Variants in ITPR2 observed in about 807,000 individuals in gnomAD.
ITPR2 encodes inositol 1,4,5-trisphosphate-gated calcium channel ITPR2.
In ITPR2, 207 loss-of-function variants were observed where a neutral mutation model predicts 317.1. That is an observed-to-expected ratio of 0.65 (90% CI 0.58 to 0.73). The LOEUF is 0.73. Among genes scored for constraint, ITPR2 ranks in the 30% least tolerant of loss-of-function variants. ITPR2 has a pLI of 0.00. For synonymous variants in ITPR2, 1,156 were observed against 1,149.1 expected (o/e 1.01, Z -0.12); for missense variants, 2,613 against 3,284.0 (o/e 0.80, Z 4.99).
chr12:26,516,981 A>T (rs1943539207), intron 37 of ITPR2, among the ~76,000 whole-genome samples: 2 of 152,172 alleles, frequency 1.3e-5, no homozygotes, highest in Admixed American at 6.5e-5. Context: ...AAATAGTTTT[A>T]AAATATATAA....
intron 34 of ITPR2, among the ~76,000 whole-genome samples, chr12:26,575,670 C>T (rs1160601269): frequency 6.6e-6 from 1 of 152,132 alleles, no homozygotes; most frequent in East Asian, 1.9e-4. Flanking sequence ...AATTATAATG[C>T]TTTGGCCAGT....
At chr12:26,474,842 C>G (rs925793390) in intron 45 of ITPR2, among the ~76,000 whole-genome samples, 2 of 151,232 alleles carry the variant, frequency 1.3e-5, no homozygotes, top group East Asian at 3.9e-4. Flanking sequence ...CTCACACTTC[C>G]AATCAGAGGC....
chr12:26,611,110 C>A (rs1233328508), intron 26 of ITPR2, among the ~76,000 whole-genome samples: 1 of 152,222 alleles, frequency 6.6e-6, no homozygotes, highest in Admixed American at 6.5e-5. Flanking sequence ...CTGTTGTTTA[C>A]AGGAATCTTT....
chr12:26,695,080 G>A lies in ITPR2; in HGVS notation c.996+526C>T, dbSNP rs540514657. Among the ~76,000 whole-genome samples the A allele has an allele frequency of 2.6e-5, 4 of 152,262 alleles. No homozygotes were observed. In the South Asian group the frequency reaches 6.2e-4, roughly 24 times the overall value. On this transcript the variant is annotated intron_variant, in intron 10 of 56. Transcript: ENST00000381340. ...AAAGGGTAAAATTTTGAATGATGGA[G>A]TAATAATACCTACCAATTTCAAAAG...
At chr12:26,537,461 C>G (rs1944130224) in intron 37 of ITPR2, among the ~76,000 whole-genome samples, 1 of 152,184 alleles carries the variant, frequency 6.6e-6, no homozygotes, top group Non-Finnish European at 1.5e-5. Context: ...TGCTTACCTT[C>G]TGGTGAATGT....
intron 34 of ITPR2, among the ~76,000 whole-genome samples, chr12:26,574,959 G>A (rs1001487988): frequency 4.0e-5 from 6 of 151,752 alleles, no homozygotes; most frequent in African/African-American, 1.2e-4. Flanking sequence ...CACCTCCAAC[G>A]TCGGAATCCC....
intron 34 of ITPR2, 81 bp downstream of exon 34, chr12:26,578,632 A>G: frequency 1.6e-6 from 2 of 1,247,010 alleles, no homozygotes; most frequent in Non-Finnish European, 2.2e-6. Flanking sequence ...TAAATTGGGA[A>G]GCTGCTTGTG....
chr12:26,660,838 T>C (rs1034104646), intron 15 of ITPR2, among the ~76,000 whole-genome samples: 2 of 151,968 alleles, frequency 1.3e-5, no homozygotes, highest in African/African-American at 4.8e-5. Flanking sequence ...AATAAATAGA[T>C]CTTCAATATT....
intron 49 of ITPR2, among the ~76,000 whole-genome samples, chr12:26,427,286 T>G (rs1345937615): frequency 6.6e-6 from 1 of 152,168 alleles, no homozygotes; most frequent in Non-Finnish European, 1.5e-5. Flanking sequence ...ATGCATAACG[T>G]TGGCTAGTCC....
At chr12:26,523,913 A>G (rs1263362234) in intron 37 of ITPR2, among the ~76,000 whole-genome samples, 1 of 152,234 alleles carries the variant, frequency 6.6e-6, no homozygotes, top group African/African-American at 2.4e-5. Flanking sequence ...TTGTTGGCAG[A>G]GCCGCCTCAG....
At chr12:26,586,861 T>C (rs1420258043) in intron 32 of ITPR2, among the ~76,000 whole-genome samples, 1 of 152,180 alleles carries the variant, frequency 6.6e-6, no homozygotes, top group East Asian at 1.9e-4. Flanking sequence ...CATGTTTGTA[T>C]TGCCTAGGAC....
chr12:26,830,057 C>T (rs762383694), intron 1 of ITPR2, among the ~76,000 whole-genome samples: 9 of 152,218 alleles, frequency 5.9e-5, no homozygotes, highest in Non-Finnish European at 1.2e-4. Flanking sequence ...GCGTCCGCCA[C>T]CACGCCCAGC....
chr12:26,604,528 C>T (rs1229447043), intron 26 of ITPR2, among the ~76,000 whole-genome samples: 1 of 152,178 alleles, frequency 6.6e-6, no homozygotes, highest in Non-Finnish European at 1.5e-5. Flanking sequence ...GCAGTTTCTA[C>T]CCTTTAATGA....
intron 13 of ITPR2, among the ~76,000 whole-genome samples, chr12:26,669,961 G>C (rs977283318): frequency 2.0e-5 from 3 of 152,242 alleles, no homozygotes; most frequent in African/African-American, 4.8e-5. Flanking sequence ...GCAGCAGTCT[G>C]AGATCAAACT....
chr12:26,611,984 A>G (rs1207569415), intron 26 of ITPR2, among the ~76,000 whole-genome samples: 1 of 152,242 alleles, frequency 6.6e-6, no homozygotes, highest in African/African-American at 2.4e-5. Flanking sequence ...TAATAAAGGG[A>G]AACACTATAA....
intron 55 of ITPR2, chr12:26,373,717 G>A (rs1367497311): frequency 6.6e-6 from 1 of 152,158 alleles, no homozygotes; most frequent in African/African-American, 2.4e-5. Flanking sequence ...TGCATTCAGA[G>A]TGGTATGGAC....
chr12:26,591,079 CAAAAA>C (rs34387951), intron 32 of ITPR2, among the ~76,000 whole-genome samples: 20 of 43,408 alleles, frequency 4.6e-4, no homozygotes, highest in Non-Finnish European at 5.6e-4. Flanking sequence ...GACTCCATCT[CAAAAA>C]AAAAAAAAAA....
At chr12:26,653,874 A>T in intron 21 of ITPR2, 102 bp downstream of exon 21, 1 of 873,624 alleles carries the variant, frequency 1.1e-6, no homozygotes, top group Non-Finnish European at 1.8e-6. Context: ...ATGCACACAT[A>T]TATTAGCAGG....
intron 1 of ITPR2, among the ~76,000 whole-genome samples, chr12:26,806,309 A>G (rs551685416): frequency 6.6e-6 from 1 of 152,166 alleles, no homozygotes; most frequent in Non-Finnish European, 1.5e-5. Flanking sequence ...TACTGAGTTC[A>G]GTAAATATGA....
Sources: allele counts gnomAD v4.1 joint callset (sites outside exome capture counted in the v4.1 genomes callset), GRCh38; gene constraint gnomAD v4.1.1; transcripts MANE v1.5; gene names NCBI Gene and HGNC (gene_info 2026-07-23, HGNC 2026-07-21).